Variants in DEFB108B observed in about 807,000 individuals in gnomAD.
DEFB108B encodes the protein defensin beta 108B.
A neutral mutation model predicts 2.4 loss-of-function variants in DEFB108B; 3 were observed. The observed-to-expected ratio is 1.25, with a 90% CI of 0.57 to 3.24. The LOEUF is 3.24. Ranked by LOEUF, DEFB108B falls within the 30% of genes most tolerant of loss-of-function variation. The pLI is 0.03. For missense variants in DEFB108B, 101 were observed against 87.8 expected (o/e 1.15, Z -0.60); for synonymous variants, 25 against 28.7 (o/e 0.87, Z 0.41).
intron 1 of DEFB108B, among the ~76,000 whole-genome samples, chr11:71,834,261 G>A (rs180861572): frequency 1.3e-5 from 2 of 152,036 alleles, no homozygotes; most frequent in East Asian, 3.9e-4. Context: ...ATATTAACTC[G>A]GTAGCACACA....
intron 1 of DEFB108B, among the ~76,000 whole-genome samples, chr11:71,835,915 G>C (rs913988520): frequency 2.0e-5 from 3 of 152,172 alleles, no homozygotes; most frequent in African/African-American, 7.2e-5. Flanking sequence ...CAAGAATTGA[G>C]GTCAGATGAG....
intron 1 of DEFB108B, among the ~76,000 whole-genome samples, chr11:71,836,374 G>A (rs548021449): frequency 6.6e-6 from 1 of 152,032 alleles, no homozygotes; most frequent in Non-Finnish European, 1.5e-5. Context: ...CAGTTAAATA[G>A]GCATTTATTG....
intron 1 of DEFB108B, among the ~76,000 whole-genome samples, chr11:71,836,838 G>C (rs1185817056): frequency 2.0e-5 from 3 of 151,974 alleles, no homozygotes; most frequent in Non-Finnish European, 4.4e-5. Context: ...CCTTCCACAG[G>C]AAAAATATCC....
At position 71,837,385 on chromosome 11, in the gene DEFB108B, T is replaced by G. The variant is rs7123813; in HGVS notation, c.59-14T>G. On this transcript the variant is annotated splice_polypyrimidine_tract_variant and intron_variant, in intron 1 of 1. Coordinates refer to ENST00000328698, the MANE Select transcript of DEFB108B (RefSeq NM_001002035.2). ...GACTGGTGAATGGTTACAATAACCC[T>G]CTTCTTCATGTAGCCAGGGGCAAAT... 2.7e-3 allele frequency: 4,272 copies of G among 1,611,500 alleles called. 88 individuals are homozygous for G. In the African/African-American group the frequency reaches 0.049, roughly 18 times the overall value.
chr11:71,837,589 G>A lies in DEFB108B; in HGVS notation c.*27G>A, dbSNP rs1476816018. 3 of 1,602,838 alleles carry A rather than the reference G, an allele frequency of 1.9e-6. No homozygotes were observed. The highest frequency in any genetic ancestry group is 4.5e-5 in the East Asian group (2 of 44,756). ...GCCTGTTGTTTTCTGGAGGTTTTATGTTCTCTTTTTTCTCTCTCCCTCTCT... is the reference window on the plus strand; with the variant it reads ...GCCTGTTGTTTTCTGGAGGTTTTATATTCTCTTTTTTCTCTCTCCCTCTCT... On this transcript the variant is annotated 3_prime_UTR_variant, in exon 2 of 2. Coordinates refer to ENST00000328698, the MANE Select transcript of DEFB108B (RefSeq NM_001002035.2).
chr11:71,837,030 C>A, intron 1 of DEFB108B: 1 of 176,606 alleles, frequency 5.7e-6, no homozygotes, highest in Non-Finnish European at 1.2e-5. Flanking sequence ...CCAGGAAAAT[C>A]CATAGTGCAA....
rs750337604 is a variant in DEFB108B, at chr11:71,837,545, A to G, written c.205A>G (p.Thr69Ala). Residue 69 changes from threonine to alanine, a missense_variant, in exon 2 of 2, where the codon ACA (threonine) becomes GCA (alanine). Transcript: ENST00000328698. ...LGHQPRIESTTPKKD is the reference protein window; with the variant it reads ...LGHQPRIESTAPKKD ...GCATCAACCAAGAATTGAGAGCACT[A>G]CACCCAAAAAGGACTGAAGCCTGTT... is the stretch of plus-strand genomic sequence containing the variant. 9.9e-6 allele frequency: 16 copies of G among 1,611,464 alleles called. No homozygotes were observed. The South Asian group carries it at 1.4e-4, about 14-fold the overall frequency.
Position 71,837,524 on chromosome 11 carries a change from C to G in DEFB108B, c.184C>G (p.Gln62Glu), listed in dbSNP as rs770036762. ...SQPCCLPLGHQPRIESTTPKK... is the reference protein window; with the variant it reads ...SQPCCLPLGHEPRIESTTPKK... ...ACCCTGCTGCCTGCCTCTGGGGCATCAACCAAGAATTGAGAGCACTACACC... is the reference window on the plus strand; with the variant it reads ...ACCCTGCTGCCTGCCTCTGGGGCATGAACCAAGAATTGAGAGCACTACACC... Residue 62 changes from glutamine to glutamate, a missense_variant, in exon 2 of 2, where the codon CAA becomes GAA. Coordinates refer to ENST00000328698, the MANE Select transcript of DEFB108B (RefSeq NM_001002035.2). 7.4e-6 allele frequency: 12 copies of G among 1,611,928 alleles called. 1 individual carries two copies. The South Asian group carries it at 1.3e-4, about 18-fold the overall frequency.
At chr11:71,834,549 C>A (rs7944189) in intron 1 of DEFB108B, among the ~76,000 whole-genome samples, 91,696 of 151,966 alleles carry the variant, frequency 0.6, 28,123 homozygotes, top group South Asian at 0.66. Flanking sequence ...CAGGCAGAAG[C>A]ATTACTCACA....
intron 1 of DEFB108B, chr11:71,834,575 C>A (rs528095131): frequency 1.3e-5 from 2 of 152,128 alleles, no homozygotes; most frequent in African/African-American, 4.8e-5. Context: ...AAATGGGATG[C>A]AACAAGACTG....
chr11:71,837,172 T>G (rs1590715905), intron 1 of DEFB108B: 5 of 560,108 alleles, frequency 8.9e-6, no homozygotes, highest in Non-Finnish European at 3.2e-6. Context: ...CCTTTTGTCA[T>G]GTAGGTGCAC....
intron 1 of DEFB108B, among the ~76,000 whole-genome samples, chr11:71,836,228 A>C (rs1262682571): frequency 1.3e-5 from 2 of 152,230 alleles, no homozygotes; most frequent in Non-Finnish European, 2.9e-5. Flanking sequence ...TCTTCAAAAA[A>C]GCATGACCTT....
chr11:71,835,774 A>G (rs1952212555), intron 1 of DEFB108B, among the ~76,000 whole-genome samples: 5 of 152,246 alleles, frequency 3.3e-5, no homozygotes, highest in Non-Finnish European at 1.5e-5. Flanking sequence ...GTTAGAAAAC[A>G]GCTGTATTTT....
At chr11:71,837,266 TCA>T (rs112457605) in intron 1 of DEFB108B, 131 bp from the exon 2 acceptor site, 62,279 of 900,176 alleles carry the variant, frequency 0.069, 149 homozygotes, top group African/African-American at 0.085. Context: ...AGAAATCAAA[TCA>T]CACACACACA....
intron 1 of DEFB108B, among the ~76,000 whole-genome samples, chr11:71,834,035 T>A (rs1335622869): frequency 6.6e-6 from 1 of 152,202 alleles, no homozygotes; most frequent in Admixed American, 6.5e-5. Flanking sequence ...CAAGGATGAA[T>A]AAGCAACTTA....
intron 1 of DEFB108B, 80 bp from the exon 2 acceptor site, chr11:71,837,319 C>G (rs1241151191): frequency 1.3e-6 from 2 of 1,528,284 alleles, no homozygotes; most frequent in Non-Finnish European, 1.8e-6. Flanking sequence ...TTTTCAAGCA[C>G]TGCCCCCTAC....
Position 71,835,702 on chromosome 11 carries a change from C to T in DEFB108B, c.59-1697C>T, listed in dbSNP as rs146735959. ...TAGAATCAGGTATAGTAACATAGTA[C>T]ACATGATTCAAAGACCTGTGAACCG... On this transcript the variant is annotated intron_variant, in intron 1 of 1. Coordinates refer to ENST00000328698, the MANE Select transcript of DEFB108B (RefSeq NM_001002035.2). Among the ~76,000 whole-genome samples, 982 of 152,232 alleles carry T rather than the reference C, an allele frequency of 6.5e-3. 13 individuals are homozygous for T. Among genetic ancestry groups the T allele is most frequent in the African/African-American group, 0.021 (890 of 41,544 alleles).
chr11:71,835,311 C>G (rs1351976128), intron 1 of DEFB108B, among the ~76,000 whole-genome samples: 1 of 152,078 alleles, frequency 6.6e-6, no homozygotes, highest in Non-Finnish European at 1.5e-5. Context: ...ATTGCTCGGC[C>G]CCCCCTTATA....
chr11:71,835,969 G>T (rs1952213917), intron 1 of DEFB108B, among the ~76,000 whole-genome samples: 1 of 152,122 alleles, frequency 6.6e-6, no homozygotes, highest in African/African-American at 2.4e-5. Flanking sequence ...TACCACAGAG[G>T]GATGTTCAAG....
Sources: gnomAD v4.1 joint callset for allele counts (sites outside exome capture counted in the v4.1 genomes callset) on GRCh38, gnomAD v4.1.1 for gene constraint, MANE v1.5 for transcripts, NCBI Gene and HGNC (gene_info 2026-07-23, HGNC 2026-07-21) for gene names.